Variants in SNRPN observed in about 807,000 individuals in gnomAD.
SNRPN encodes the protein small nuclear ribonucleoprotein polypeptide N, also known as small nuclear ribonucleoprotein-associated protein N.
In SNRPN, 7 loss-of-function variants were observed where a neutral mutation model predicts 25.2. The ratio of observed to expected loss-of-function variants is 0.28; its 90% CI spans 0.16 to 0.52. The LOEUF (loss-of-function observed/expected upper bound fraction) is 0.52, where lower values mean the gene tolerates loss of function less well. Among genes scored for constraint, SNRPN ranks in the 20% least tolerant of loss-of-function variants. The probability of loss-of-function intolerance (pLI) is 0.96; values close to 1 mark genes in which losing one functional copy is unlikely to be tolerated. For missense variants in SNRPN, 196 were observed against 322.5 expected (o/e 0.61, Z 3.00); for synonymous variants, 124 against 110.6 (o/e 1.12, Z -0.76).
At chr15:24,848,258 G>GAGCGGCGGCGGGGGCGGGGGCGGC (rs2052415983) in intron 2 of SNRPN, 1 of 124,148 alleles carries the variant, frequency 8.1e-6, no homozygotes, top group Non-Finnish European at 1.8e-5. Context: ...GCGGGGGCGG[G>GAGCGGCGGCGGGGGCGGGGGCGGC]GGCGGGGGCG....
intron 2 of SNRPN, among the ~76,000 whole-genome samples, chr15:24,897,797 G>A (rs1021967146): frequency 6.6e-6 from 1 of 152,126 alleles, no homozygotes; most frequent in African/African-American, 2.4e-5. Context: ...ATGTGCCTTT[G>A]CTTCTCCTTT....
chr15:24,894,470 C>T (rs1350115583), intron 2 of SNRPN, among the ~76,000 whole-genome samples: 5 of 152,150 alleles, frequency 3.3e-5, no homozygotes, highest in South Asian at 2.1e-4. Flanking sequence ...CCGCCCGCCT[C>T]GGCCTCCCAA....
chr15:24,845,850 T>C (rs2052148126), intron 2 of SNRPN, among the ~76,000 whole-genome samples: 1 of 151,970 alleles, frequency 6.6e-6, no homozygotes, highest in Admixed American at 6.6e-5. Flanking sequence ...TTTGGGAGGC[T>C]GAGGTGGGTG....
chr15:24,853,824 A>G (rs1303353398), upstream of SNRPN, among the ~76,000 whole-genome samples: 1 of 152,132 alleles, frequency 6.6e-6, no homozygotes, highest in Admixed American at 6.5e-5. Flanking sequence ...TTCTTATCAG[A>G]TTCTTCCACT....
chr15:24,828,829 G>C (rs903029189), intron 1 of SNRPN, among the ~76,000 whole-genome samples: 2 of 152,052 alleles, frequency 1.3e-5, no homozygotes, highest in African/African-American at 4.8e-5. Flanking sequence ...TCGTTTAAAA[G>C]GGCAAAATTA....
At chr15:24,913,148 C>T (rs1020867164) in intron 2 of SNRPN, among the ~76,000 whole-genome samples, 3 of 152,036 alleles carry the variant, frequency 2.0e-5, no homozygotes, top group Non-Finnish European at 2.9e-5. Context: ...CCATGTTTGC[C>T]AGTCTGATCT....
At chr15:24,927,630 A>G (rs1017623593) in intron 3 of SNRPN, among the ~76,000 whole-genome samples, 2 of 151,978 alleles carry the variant, frequency 1.3e-5, no homozygotes, top group African/African-American at 4.8e-5. Flanking sequence ...CAGGAAATAT[A>G]ACATTTATAC....
At chr15:24,934,499 A>C (rs1013169517) in intron 3 of SNRPN, among the ~76,000 whole-genome samples, 1 of 152,118 alleles carries the variant, frequency 6.6e-6, no homozygotes. Flanking sequence ...TCAAAGCCTA[A>C]AATATTTACT....
At chr15:24,973,571 T>G (rs558802206) in intron 3 of SNRPN, among the ~76,000 whole-genome samples, 24 of 151,898 alleles carry the variant, frequency 1.6e-4, no homozygotes, top group Non-Finnish European at 2.6e-4. Flanking sequence ...CTAATTTTTT[T>G]GTATTTCTAG....
At chr15:24,894,417 A>C (rs1483284603) in intron 2 of SNRPN, among the ~76,000 whole-genome samples, 1 of 152,050 alleles carries the variant, frequency 6.6e-6, no homozygotes, top group Admixed American at 6.6e-5. Flanking sequence ...ACGGGCTTTC[A>C]CCATGTTAGC....
At chr15:24,912,782 C>G (rs2059290556) in intron 2 of SNRPN, among the ~76,000 whole-genome samples, 1 of 152,188 alleles carries the variant, frequency 6.6e-6, no homozygotes, top group African/African-American at 2.4e-5. Flanking sequence ...AGGACATAGT[C>G]ATGGCTCCTC....
At chr15:24,940,702 T>C (rs1166511326) in intron 3 of SNRPN, among the ~76,000 whole-genome samples, 1 of 152,156 alleles carries the variant, frequency 6.6e-6, no homozygotes, top group Admixed American at 6.6e-5. Flanking sequence ...TTTGGTGCTG[T>C]AGGCGGTGTC....
At chr15:24,867,711 T>C (rs2054713285) in intron 1 of SNRPN, among the ~76,000 whole-genome samples, 1 of 152,172 alleles carries the variant, frequency 6.6e-6, no homozygotes, top group Non-Finnish European at 1.5e-5. Flanking sequence ...TGGTTAAGTC[T>C]TGTTTTTTGA....
chr15:24,919,548 G>T (rs2059918108), intron 2 of SNRPN, among the ~76,000 whole-genome samples: 1 of 152,096 alleles, frequency 6.6e-6, no homozygotes, highest in African/African-American at 2.4e-5. Context: ...GCGTAGGCAA[G>T]CGGAAATTTA....
At position 24,972,975 on chromosome 15, in the gene SNRPN, C is replaced by T. The variant is rs138148810; in HGVS notation, c.-143-1336C>T. ...CCATCTCAGCTCACTGCAAACTCTG[C>T]CTCCTGGTTTCAAGCGATTCTCCTG... On this transcript the variant is annotated intron_variant, in intron 3 of 9. Transcript: ENST00000390687. Among the ~76,000 whole-genome samples, 1,100 of 152,258 alleles carry T rather than the reference C, an allele frequency of 7.2e-3. 18 individuals are homozygous for T. Among genetic ancestry groups the T allele is most frequent in the African/African-American group, 0.025 (1,030 of 41,550 alleles).
chr15:24,933,344 A>G (rs1595994174), intron 3 of SNRPN, among the ~76,000 whole-genome samples: 1 of 75,578 alleles, frequency 1.3e-5, no homozygotes, highest in Non-Finnish European at 3.2e-5. Context: ...TGGTTTAAAG[A>G]AAAAAAAAAA....
chr15:24,924,182 G>C (rs1254612149), intron 3 of SNRPN, among the ~76,000 whole-genome samples: 1 of 151,700 alleles, frequency 6.6e-6, no homozygotes. Flanking sequence ...AATTAGATAT[G>C]GACACAGGGA....
intron 3 of SNRPN, among the ~76,000 whole-genome samples, chr15:24,924,273 A>G (rs1256725680): frequency 1.3e-5 from 2 of 152,082 alleles, no homozygotes; most frequent in East Asian, 3.9e-4. Flanking sequence ...GACAGAGGGT[A>G]TAGGTGATTA....
chr15:24,857,415 T>G (rs1045300395), intron 1 of SNRPN, among the ~76,000 whole-genome samples: 12 of 152,096 alleles, frequency 7.9e-5, no homozygotes, highest in Non-Finnish European at 1.2e-4. Context: ...ATATTTTGGG[T>G]TTTTTTTATG....
Sources: allele counts gnomAD v4.1 joint callset (sites outside exome capture counted in the v4.1 genomes callset), GRCh38; gene constraint gnomAD v4.1.1; transcripts MANE v1.5; gene names NCBI Gene and HGNC (gene_info 2026-07-23, HGNC 2026-07-21).